NEGR1: variants seen among roughly 807,000 people sequenced by gnomAD.
The protein encoded by NEGR1 is IgLON family member 4.
A neutral mutation model predicts 40.9 loss-of-function variants in NEGR1; 10 were observed. The observed-to-expected ratio is 0.24, with a 90% confidence interval of 0.15 to 0.42. The LOEUF (loss-of-function observed/expected upper bound fraction) is 0.42. Ranked by LOEUF, NEGR1 falls within the 10% of genes least tolerant of loss-of-function variation. NEGR1 has a pLI of 1.00. For synonymous variants in NEGR1, 185 were observed against 166.8 expected (o/e 1.11, Z -0.84); for missense variants, 352 against 438.9 (o/e 0.80, Z 1.77).
chr1:71,463,780 C>A (rs1228872620), intron 6 of NEGR1, among the ~76,000 whole-genome samples: 1 of 152,058 alleles, frequency 6.6e-6, no homozygotes, highest in East Asian at 1.9e-4. Context: ...AAAAACAAAG[C>A]AAGTCTACAT....
chr1:71,774,623 A>G (rs1183492252), intron 3 of NEGR1, among the ~76,000 whole-genome samples: 2 of 152,186 alleles, frequency 1.3e-5, no homozygotes, highest in African/African-American at 4.8e-5. Flanking sequence ...CCTGTATAAA[A>G]TATGCCTTTC....
intron 6 of NEGR1, chr1:71,468,155 G>A (rs1178692934): frequency 6.6e-6 from 1 of 151,946 alleles, no homozygotes; most frequent in Non-Finnish European, 1.5e-5. Flanking sequence ...TTTGGGGAAA[G>A]AAATGGTATA....
intron 1 of NEGR1, among the ~76,000 whole-genome samples, chr1:72,161,047 G>T (rs1433590646): frequency 6.6e-6 from 1 of 152,114 alleles, no homozygotes; most frequent in Non-Finnish European, 1.5e-5. Context: ...TTACTGAGTT[G>T]TATGTTATCA....
At chr1:71,776,355 C>T (rs1220183077) in intron 2 of NEGR1, 58 bp from the exon 3 acceptor site, 4 of 1,194,620 alleles carry the variant, frequency 3.3e-6, no homozygotes, top group Admixed American at 2.2e-5. Context: ...TGTTGAAGTA[C>T]GTATGATTAA....
chr1:72,009,352 C>A (rs1238745357), intron 1 of NEGR1, among the ~76,000 whole-genome samples: 1 of 152,074 alleles, frequency 6.6e-6, no homozygotes, highest in East Asian at 1.9e-4. Context: ...TAAGTTATCC[C>A]TGTCTTTGTG....
chr1:71,727,297 T>C (rs1177286250), intron 3 of NEGR1, among the ~76,000 whole-genome samples: 2 of 152,138 alleles, frequency 1.3e-5, no homozygotes, highest in East Asian at 3.9e-4. Context: ...AATTTTAATA[T>C]ACCATATAAA....
At position 72,009,283 on chromosome 1, in the gene NEGR1, C is replaced by T. The variant is rs78132278; in HGVS notation, c.177-73972G>A. Among the ~76,000 whole-genome samples, 956 of 152,116 alleles carry T rather than the reference C, an allele frequency of 6.3e-3. 15 individuals are homozygous for T. The highest frequency in any genetic ancestry group is 0.022 in the African/African-American group (913 of 41,508). On this transcript the variant is annotated intron_variant, in intron 1 of 6. Coordinates refer to ENST00000357731, the MANE Select transcript of NEGR1 (RefSeq NM_173808.3). ...GTGGTTCCTTTATTGTCAACTATAG[C>T]AAGTAGGATTCACCAAGCCATCCCT... is the stretch of plus-strand genomic sequence containing the variant.
In NEGR1 at chr1:72,171,065, A is replaced by G. The variant is rs76529880; in HGVS notation, c.176+111254T>C. Among the ~76,000 whole-genome samples the G allele has an allele frequency of 6.1e-3, 924 of 152,292 alleles. 10 individuals are homozygous for G. The highest frequency in any genetic ancestry group is 1.0e-2 in the Non-Finnish European group (680 of 68,024). On this transcript the variant is annotated intron_variant, in intron 1 of 6. Transcript: ENST00000357731. ...AAAACCCCACATGGTAGGCTCTGCC[A>G]AAATAGGCTATGAGGGTAGGCCTTG... is the stretch of plus-strand genomic sequence containing the variant.
chr1:72,274,580 G>T (rs1655972334), intron 1 of NEGR1: 4 of 772,076 alleles, frequency 5.2e-6, no homozygotes, highest in Non-Finnish European at 9.6e-6. Flanking sequence ...TCTTTGGCAA[G>T]ATATGGCGAA....
chr1:71,850,316 C>T (rs773659771), intron 2 of NEGR1, among the ~76,000 whole-genome samples: 9 of 151,766 alleles, frequency 5.9e-5, no homozygotes, highest in Non-Finnish European at 1.2e-4. Context: ...CCATCATGCC[C>T]GGCAAATATT....
chr1:71,888,474 G>C (rs368292369), intron 2 of NEGR1, among the ~76,000 whole-genome samples: 4 of 151,778 alleles, frequency 2.6e-5, no homozygotes, highest in South Asian at 2.1e-4. Flanking sequence ...CTGGAAAATC[G>C]GGTCACTCCC....
At chr1:71,905,090 T>A (rs530300745) in intron 2 of NEGR1, among the ~76,000 whole-genome samples, 58 of 152,246 alleles carry the variant, frequency 3.8e-4, no homozygotes, top group African/African-American at 1.3e-3. Context: ...AATATGTAGC[T>A]CTGTCTTAAG....
chr1:72,264,344 A>G (rs1655566360), intron 1 of NEGR1, among the ~76,000 whole-genome samples: 1 of 151,226 alleles, frequency 6.6e-6, no homozygotes, highest in East Asian at 1.9e-4. Context: ...TTAAGATAAT[A>G]TATAAACAAT....
At chr1:72,066,231 C>T (rs1235969344) in intron 1 of NEGR1, among the ~76,000 whole-genome samples, 1 of 152,002 alleles carries the variant, frequency 6.6e-6, no homozygotes, top group Non-Finnish European at 1.5e-5. Context: ...ATCTCTCAGC[C>T]GATAAGTGGT....
chr1:72,010,823 C>G (rs369471680), intron 1 of NEGR1, among the ~76,000 whole-genome samples: 4 of 152,098 alleles, frequency 2.6e-5, no homozygotes, highest in South Asian at 2.1e-4. Context: ...TCTTTAAGCA[C>G]AAGACGTCAT....
chr1:71,937,879 C>T (rs561056645), intron 1 of NEGR1, among the ~76,000 whole-genome samples: 91 of 152,116 alleles, frequency 6.0e-4, no homozygotes, highest in African/African-American at 2.2e-3. Context: ...GCAGTAGCAG[C>T]TTTACCTTTA....
intron 1 of NEGR1, among the ~76,000 whole-genome samples, chr1:72,092,085 G>A (rs1343404916): frequency 2.0e-5 from 3 of 152,232 alleles, no homozygotes; most frequent in East Asian, 3.9e-4. Context: ...CTGATTAAAA[G>A]GTAGACATTG....
chr1:71,790,119 T>C (rs1324077585), intron 2 of NEGR1, among the ~76,000 whole-genome samples: 1 of 152,126 alleles, frequency 6.6e-6, no homozygotes, highest in Non-Finnish European at 1.5e-5. Flanking sequence ...AGTGTGTATG[T>C]AGATTTCAGG....
At chr1:71,541,664 C>T (rs563669349) in intron 6 of NEGR1, among the ~76,000 whole-genome samples, 8 of 151,834 alleles carry the variant, frequency 5.3e-5, no homozygotes, top group Admixed American at 1.3e-4. Flanking sequence ...AGGAACAGAA[C>T]GGGCTGTCAG....
Sources: gnomAD v4.1 joint callset for allele counts (sites outside exome capture counted in the v4.1 genomes callset) on GRCh38, gnomAD v4.1.1 for gene constraint, MANE v1.5 for transcripts, NCBI Gene and HGNC (gene_info 2026-07-23, HGNC 2026-07-21) for gene names.